DPP10: variants seen among roughly 807,000 people sequenced by gnomAD.
DPP10 encodes the protein inactive dipeptidyl peptidase 10.
Under a neutral mutation model 120.9 loss-of-function variants are expected in DPP10, and 33 were observed. That is an observed-to-expected ratio of 0.27 (90% CI 0.21 to 0.37). The LOEUF (loss-of-function observed/expected upper bound fraction) is 0.37. DPP10 is among the 10% of genes least tolerant of loss of function. DPP10 has a pLI of 1.00. For synonymous variants in DPP10, 337 were observed against 326.1 expected, an observed-to-expected ratio of 1.03 and a Z score of -0.36; for missense variants, 816 against 942.8, an observed-to-expected ratio of 0.87 and a Z score of 1.76.
chr2:114,696,362 T>C lies in DPP10; in HGVS notation c.60+253524T>C, dbSNP rs1348178244. On this transcript the variant is annotated intron_variant, in intron 1 of 25. Transcript: ENST00000410059. ...TATACAAGTTTAAAAGACTGGTTTA[T>C]TCACTACTGTCCTCATTTGTTTGAA... 2.6e-5 allele frequency among the ~76,000 whole-genome samples: 4 copies of C among 152,062 alleles called. No individual in the cohort carries two copies. In the East Asian group the frequency reaches 7.8e-4, roughly 29 times the overall value.
Position 115,090,842 on chromosome 2 carries a change from G to A in DPP10, c.61-218397G>A, listed in dbSNP as rs148264867. On this transcript the variant is annotated intron_variant, in intron 1 of 25. Coordinates refer to ENST00000410059, the MANE Select transcript of DPP10 (RefSeq NM_020868.6). ...TCTGGGGTCTGACATCTCTCTGGCC[G>A]GAGGGGAGGGTTATCTCAGGGCTGG... Among the ~76,000 whole-genome samples, 303 of 152,186 alleles carry A rather than the reference G, an allele frequency of 2.0e-3. 1 individual carries two copies. The East Asian group carries it at 0.021, about 11-fold the overall frequency.
intron 1 of DPP10, among the ~76,000 whole-genome samples, chr2:114,559,891 C>CAAAAAAAAAAAAAAAAAAA (rs60833358): frequency 4.7e-4 from 31 of 65,848 alleles, no homozygotes; most frequent in South Asian, 1.4e-3. Context: ...AGAAAAAAAG[C>CAAAAAAAAAAAAAAAAAAA]AAAAAAAAAA....
intron 1 of DPP10, among the ~76,000 whole-genome samples, chr2:115,082,523 T>C (rs1708358418): frequency 6.6e-6 from 1 of 152,236 alleles, no homozygotes; most frequent in Non-Finnish European, 1.5e-5. Context: ...TCTTCACCCT[T>C]TCATTCTGGA....
chr2:115,387,720 T>G (rs1276264130), intron 3 of DPP10, among the ~76,000 whole-genome samples: 3 of 152,222 alleles, frequency 2.0e-5, no homozygotes, highest in African/African-American at 7.2e-5. Context: ...CATAGCCATG[T>G]TTCACTTGGT....
intron 14 of DPP10, 146 bp from the exon 15 acceptor site, chr2:115,777,641 T>G: frequency 1.2e-6 from 1 of 863,602 alleles, no homozygotes; most frequent in Non-Finnish European, 1.8e-6. Context: ...TTTGACAGTT[T>G]TAAAAATTCA....
At chr2:115,339,070 A>G (rs1156822051) in intron 2 of DPP10, among the ~76,000 whole-genome samples, 1 of 152,170 alleles carries the variant, frequency 6.6e-6, no homozygotes, top group Admixed American at 6.5e-5. Flanking sequence ...AAGCATTTGT[A>G]TTTAGAATAG....
In DPP10 at chr2:114,761,801, C is replaced by A. The variant is rs140434091; in HGVS notation, c.60+318963C>A. On this transcript the variant is annotated intron_variant, in intron 1 of 25. Coordinates refer to ENST00000410059, the MANE Select transcript of DPP10 (RefSeq NM_020868.6). ...ATATTACTGCTAAGAAACTGCTTTA[C>A]CATTTGACAATCCTCCTCCTAGGAA... 6.5e-4 allele frequency among the ~76,000 whole-genome samples: 99 copies of A among 152,302 alleles called. 1 individual carries two copies. The highest frequency in any genetic ancestry group is 1.1e-3 in the Non-Finnish European group (76 of 68,036).
At chr2:115,528,216 G>T (rs142161076) in intron 5 of DPP10, among the ~76,000 whole-genome samples, 1 of 151,802 alleles carries the variant, frequency 6.6e-6, no homozygotes, top group Non-Finnish European at 1.5e-5. Context: ...GTTGTGGGGT[G>T]GGGGAGTGGG....
At chr2:115,143,892 G>C (rs1187472247) in intron 1 of DPP10, among the ~76,000 whole-genome samples, 1 of 151,656 alleles carries the variant, frequency 6.6e-6, no homozygotes, top group Non-Finnish European at 1.5e-5. Flanking sequence ...CCTTCTGCCA[G>C]ATCTTTATGT....
intron 1 of DPP10, among the ~76,000 whole-genome samples, chr2:114,945,531 T>A (rs1201270759): frequency 6.6e-6 from 1 of 152,086 alleles, no homozygotes; most frequent in Non-Finnish European, 1.5e-5. Flanking sequence ...ATTTGTAGCT[T>A]CGGCCGGGCA....
At chr2:115,391,234 T>C (rs1395023461) in intron 3 of DPP10, among the ~76,000 whole-genome samples, 1 of 152,182 alleles carries the variant, frequency 6.6e-6, no homozygotes, top group Middle Eastern at 3.2e-3. Flanking sequence ...GGATATACAC[T>C]GGTAGAATGA....
At chr2:115,722,940 C>T (rs1575603405) in intron 7 of DPP10, among the ~76,000 whole-genome samples, 1 of 152,084 alleles carries the variant, frequency 6.6e-6, no homozygotes, top group Non-Finnish European at 1.5e-5. Context: ...CACATGTTGC[C>T]GTTATCAAGG....
intron 1 of DPP10, among the ~76,000 whole-genome samples, chr2:114,493,259 C>T (rs1682161940): frequency 2.0e-5 from 3 of 152,098 alleles, no homozygotes; most frequent in African/African-American, 7.2e-5. Context: ...AGCAAGTTAC[C>T]TTTTGCTCTG....
chr2:115,547,622 T>C (rs1234490711), intron 5 of DPP10, among the ~76,000 whole-genome samples: 1 of 152,044 alleles, frequency 6.6e-6, no homozygotes, highest in African/African-American at 2.4e-5. Flanking sequence ...AAGAATTAGC[T>C]GGGCATTGTG....
chr2:114,788,650 T>C (rs1682979039), intron 1 of DPP10, among the ~76,000 whole-genome samples: 1 of 152,190 alleles, frequency 6.6e-6, no homozygotes, highest in South Asian at 2.1e-4. Flanking sequence ...ACATTTCTAA[T>C]GCATATATTT....
chr2:115,790,827 G>A (rs941457685), intron 17 of DPP10, among the ~76,000 whole-genome samples: 2 of 152,008 alleles, frequency 1.3e-5, no homozygotes, highest in Non-Finnish European at 2.9e-5. Context: ...ATATTCTTAA[G>A]CAGGTTAACA....
At position 115,122,272 on chromosome 2, in the gene DPP10, CCT is replaced by C. The variant is rs554574924; in HGVS notation, c.61-186966_61-186965del. On this transcript the variant is annotated intron_variant, in intron 1 of 25. Coordinates refer to ENST00000410059, the MANE Select transcript of DPP10 (RefSeq NM_020868.6). Reference sequence around the variant, plus strand: ...GAGAAGAGGAGGGCACCCTCCCACCCCTGTTTTTCCCTGAATCCTTTGCCTGT... The same window carrying C: ...GAGAAGAGGAGGGCACCCTCCCACCCGTTTTTCCCTGAATCCTTTGCCTGT... Among the ~76,000 whole-genome samples, 22 of 152,242 alleles carry C rather than the reference CCT, an allele frequency of 1.4e-4. No individual in the cohort carries two copies. The East Asian group carries it at 3.9e-3, about 27-fold the overall frequency.
intron 1 of DPP10, among the ~76,000 whole-genome samples, chr2:115,295,179 A>G (rs1023426154): frequency 6.6e-6 from 1 of 152,032 alleles, no homozygotes; most frequent in African/African-American, 2.4e-5. Flanking sequence ...GGGGGAAGAA[A>G]AGGCTGTCTT....
chr2:115,774,481 C>T (rs1336256151), intron 13 of DPP10, among the ~76,000 whole-genome samples: 1 of 152,034 alleles, frequency 6.6e-6, no homozygotes, highest in Non-Finnish European at 1.5e-5. Flanking sequence ...AGTTATTTGC[C>T]TGTGTGAACT....
Sources: gnomAD v4.1 joint callset for allele counts (sites outside exome capture counted in the v4.1 genomes callset) on GRCh38, gnomAD v4.1.1 for gene constraint, MANE v1.5 for transcripts, NCBI Gene and HGNC (gene_info 2026-07-23, HGNC 2026-07-21) for gene names.